TXLNB: variants seen among roughly 807,000 people sequenced by gnomAD.
The protein encoded by TXLNB is taxilin beta.
A neutral mutation model predicts 57.4 loss-of-function variants in TXLNB; 37 were observed. That is an observed-to-expected ratio of 0.64 (90% CI 0.50 to 0.85). The LOEUF is 0.85. Among genes scored for constraint, TXLNB ranks in the 40% least tolerant of loss-of-function variants. TXLNB has a pLI of 0.00. For synonymous variants in TXLNB, 302 were observed against 309.6 expected (o/e 0.98, Z 0.26); for missense variants, 848 against 825.6 (o/e 1.03, Z -0.33).
chr6:139,195,720 G>A, the TXLNB span, among the ~76,000 whole-genome samples: 1 of 152,180 alleles, frequency 6.6e-6, no homozygotes, highest in Non-Finnish European at 1.5e-5. Flanking sequence ...TCAAGTTGAT[G>A]CCATAATTGT....
chr6:139,167,870 T>G, the TXLNB span, among the ~76,000 whole-genome samples: 1 of 152,178 alleles, frequency 6.6e-6, no homozygotes, highest in African/African-American at 2.4e-5. Flanking sequence ...ATGGGGAAGC[T>G]TATTATTCCT....
At chr6:139,180,684 GTAAA>G in the TXLNB span, 1 of 152,588 alleles carries the variant, frequency 6.6e-6, no homozygotes, top group Non-Finnish European at 1.5e-5. Flanking sequence ...GAAAGACAGT[GTAAA>G]TAGTTAAAGA....
chr6:139,313,287 T>C, the TXLNB span, among the ~76,000 whole-genome samples: 2 of 152,194 alleles, frequency 1.3e-5, no homozygotes, highest in Non-Finnish European at 2.9e-5. Context: ...TTAGCCAGGA[T>C]GGTCTCGATC....
chr6:139,314,208 A>G, the TXLNB span, among the ~76,000 whole-genome samples: 1 of 152,170 alleles, frequency 6.6e-6, no homozygotes, highest in Non-Finnish European at 1.5e-5. Context: ...TTTTCCTGAT[A>G]CAGAAGAGAT....
the TXLNB span, among the ~76,000 whole-genome samples, chr6:139,225,626 C>G: frequency 6.6e-6 from 1 of 151,830 alleles, no homozygotes; most frequent in Admixed American, 6.6e-5. Flanking sequence ...GAAAAATAAA[C>G]AAAGACACCA....
At chr6:139,212,496 A>C in the TXLNB span, among the ~76,000 whole-genome samples, 1 of 152,238 alleles carries the variant, frequency 6.6e-6, no homozygotes, top group African/African-American at 2.4e-5. Context: ...CATGGAAAGG[A>C]ACAACCGGTA....
the TXLNB span, among the ~76,000 whole-genome samples, chr6:139,212,974 T>C: frequency 6.6e-6 from 1 of 152,168 alleles, no homozygotes; most frequent in Non-Finnish European, 1.5e-5. Flanking sequence ...CCCAGATTCA[T>C]AAAGCAAGTC....
the TXLNB span, among the ~76,000 whole-genome samples, chr6:139,175,181 AC>A: frequency 6.6e-6 from 1 of 152,198 alleles, no homozygotes; most frequent in Non-Finnish European, 1.5e-5. Context: ...AACACAAATA[AC>A]CTATAGAATC....
the TXLNB span, among the ~76,000 whole-genome samples, chr6:139,224,457 T>C: frequency 6.6e-6 from 1 of 151,494 alleles, no homozygotes; most frequent in African/African-American, 2.4e-5. Context: ...TAATAATTAA[T>C]AAATAAATAA....
At chr6:139,299,377 C>A in the TXLNB span, among the ~76,000 whole-genome samples, 8 of 152,172 alleles carry the variant, frequency 5.3e-5, no homozygotes, top group African/African-American at 9.7e-5. Flanking sequence ...AGAACTCTGG[C>A]CACAAGATAC....
At chr6:139,278,170 G>A (rs984246847) in intron 2 of TXLNB, among the ~76,000 whole-genome samples, 4 of 152,124 alleles carry the variant, frequency 2.6e-5, no homozygotes, top group African/African-American at 9.7e-5. Context: ...TAGTATTTAA[G>A]GCCCAGAAAA....
chr6:139,288,645 G>A lies in TXLNB; in HGVS notation c.255C>T (p.Ala85=). The change falls in exon 2 of 10, where the codon GCC becomes GCT. Residue 85 remains alanine, a synonymous_variant. Coordinates refer to ENST00000358430, the MANE Select transcript of TXLNB (RefSeq NM_153235.4). ...ATTCTGCATTCTCAGGCTGCTCACT[G>A]GCCCTGGCAGAGCCCTCTTTCCCTG... The part of the protein sequence containing the change: ...STAGKEGSAR[A]SEQPENAESP... 1 of 1,614,158 alleles carries A rather than the reference G, an allele frequency of 6.2e-7. No homozygotes were observed. The highest frequency in any genetic ancestry group is 8.5e-7 in the Non-Finnish European group (1 of 1,180,030).
In TXLNB at chr6:139,279,566, C is replaced by A. The variant is rs894337696; in HGVS notation, c.425-2645G>T. On this transcript the variant is annotated intron_variant, in intron 2 of 9. Coordinates refer to ENST00000358430, the MANE Select transcript of TXLNB (RefSeq NM_153235.4). The stretch of plus-strand genomic sequence containing the variant: ...AACATCACTGACCTCAGTTTTTAAA[C>A]TTCCATTGGTGTTGTGGGACTAGGG... 3.9e-5 allele frequency among the ~76,000 whole-genome samples: 6 copies of A among 152,316 alleles called. No individual in the cohort carries two copies. In the East Asian group the frequency reaches 1.2e-3, roughly 29 times the overall value.
chr6:139,217,848 G>T, the TXLNB span, among the ~76,000 whole-genome samples: 1 of 119,514 alleles, frequency 8.4e-6, no homozygotes, highest in Non-Finnish European at 1.6e-5. Flanking sequence ...CAGCCTGGGC[G>T]ACAGAGCAAG....
At chr6:139,240,015 AAAT>A (rs1252115710), downstream of TXLNB, 7 of 146,080 alleles carry the variant, frequency 4.8e-5, no homozygotes, top group African/African-American at 1.7e-4. Context: ...ATAAAAACAA[AAAT>A]AAAATAAGTC....
At chr6:139,167,934 G>C in the TXLNB span, among the ~76,000 whole-genome samples, 1 of 152,060 alleles carries the variant, frequency 6.6e-6, no homozygotes, top group African/African-American at 2.4e-5. Flanking sequence ...AATGACACGA[G>C]GTTGGTTAGT....
the TXLNB span, among the ~76,000 whole-genome samples, chr6:139,310,813 G>A: frequency 5.9e-5 from 9 of 152,286 alleles, no homozygotes; most frequent in Admixed American, 3.9e-4. Context: ...TCCTGCCTCA[G>A]CCTTCTGAGT....
Position 139,262,571 on chromosome 6 carries a change from G to A in TXLNB, c.882+8C>T, listed in dbSNP as rs951201955. On this transcript the variant is annotated splice_region_variant and intron_variant, in intron 5 of 9. Transcript: ENST00000358430. ...GTACTGTTCTAAGTTGTTTGATGTG[G>A]TTCTCACCTCCTCTCTGAGCTCATA... The A allele has an allele frequency of 1.2e-6, 2 of 1,609,740 alleles. No individual in the cohort carries two copies. Among genetic ancestry groups the A allele is most frequent in the Non-Finnish European group, 1.7e-6 (2 of 1,177,894 alleles).
chr6:139,186,836 T>A, the TXLNB span, among the ~76,000 whole-genome samples: 2 of 152,220 alleles, frequency 1.3e-5, no homozygotes, highest in South Asian at 4.1e-4. Flanking sequence ...TCAAAATAAT[T>A]AAAGTGAAAG....
Sources: gnomAD v4.1 joint callset for allele counts (sites outside exome capture counted in the v4.1 genomes callset) on GRCh38, gnomAD v4.1.1 for gene constraint, MANE v1.5 for transcripts, NCBI Gene and HGNC (gene_info 2026-07-23, HGNC 2026-07-21) for gene names.